Variants in WWC2 observed in about 807,000 individuals in gnomAD.
The protein encoded by WWC2 is protein WWC2.
Under a neutral mutation model 138.5 loss-of-function variants are expected in WWC2, and 101 were observed. The ratio of observed to expected loss-of-function variants is 0.73; its 90% CI spans 0.62 to 0.86. The LOEUF is 0.86. WWC2 is among the 40% of genes least tolerant of loss of function. The pLI, the probability that WWC2 is intolerant of heterozygous loss-of-function variation, is 0.00. For missense variants in WWC2, 1,420 were observed against 1,419.4 expected, an observed-to-expected ratio of 1.00 and a Z score of -0.01; for synonymous variants, 558 against 538.4, an observed-to-expected ratio of 1.04 and a Z score of -0.50.
At chr4:183,313,279 C>A (rs1739325385) in intron 22 of WWC2, among the ~76,000 whole-genome samples, 1 of 152,178 alleles carries the variant, frequency 6.6e-6, no homozygotes, top group Admixed American at 6.5e-5. Flanking sequence ...CACCCGTGGT[C>A]TCTGACGGGC....
intron 21 of WWC2, among the ~76,000 whole-genome samples, chr4:183,300,071 G>C (rs1359109998): frequency 6.6e-6 from 1 of 152,158 alleles, no homozygotes; most frequent in Non-Finnish European, 1.5e-5. Flanking sequence ...AGAAGCTGAG[G>C]ACTGTAAATT....
chr4:183,231,550 G>A lies in WWC2; in HGVS notation c.523-8633G>A, dbSNP rs560989538. On this transcript the variant is annotated intron_variant, in intron 4 of 22. Transcript: ENST00000403733. ...CTCCTAAAGTGCTGGGATTACAGGC[G>A]TGAGTCACCATGCCCGTCCCAGAGA... Among the ~76,000 whole-genome samples the A allele has an allele frequency of 3.9e-5, 6 of 152,174 alleles. No individual in the cohort carries two copies. In the South Asian group the frequency reaches 1.0e-3, roughly 26 times the overall value.
At chr4:183,272,813 A>G (rs114052417) in intron 16 of WWC2, among the ~76,000 whole-genome samples, 1 of 152,216 alleles carries the variant, frequency 6.6e-6, no homozygotes, top group Non-Finnish European at 1.5e-5. Flanking sequence ...CACACATAAT[A>G]TTCTATTGTG....
intron 1 of WWC2, among the ~76,000 whole-genome samples, chr4:183,150,719 C>G (rs1483931283): frequency 1.3e-5 from 2 of 152,080 alleles, no homozygotes; most frequent in Admixed American, 1.3e-4. Context: ...GTGATGTTCC[C>G]TGCCCTGTGT....
At position 183,240,222 on chromosome 4, in the gene WWC2, G is replaced by T. The variant is rs775923896; in HGVS notation, c.562G>T (p.Glu188Ter). 24 of 1,552,774 alleles carry T rather than the reference G, an allele frequency of 1.5e-5. No homozygotes were observed. The highest frequency in any genetic ancestry group is 2.1e-5 in the Non-Finnish European group (24 of 1,147,950). Residue 188 changes from glutamate to a stop codon, truncating the protein, a stop_gained, in exon 5 of 23, where the codon GAA (glutamate) becomes TAA (stop). Transcript: ENST00000403733. LOFTEE classifies it high-confidence loss of function. ...LKRELSQMKQ[E>*]LLYKEQGFET... ...GAGAGAGCTCTCACAGATGAAGCAGGAACTGCTCTATAAAGAACAAGGCTT... is the reference window on the plus strand; with the variant it reads ...GAGAGAGCTCTCACAGATGAAGCAGTAACTGCTCTATAAAGAACAAGGCTT...
At chr4:183,302,519 A>ATC (rs147282861) in intron 21 of WWC2, among the ~76,000 whole-genome samples, 13 of 151,652 alleles carry the variant, frequency 8.6e-5, no homozygotes, top group Non-Finnish European at 1.6e-4. Context: ...GTCGACGTCG[A>ATC]TCTCTCTCTC....
intron 1 of WWC2, among the ~76,000 whole-genome samples, chr4:183,114,415 C>A (rs1030376787): frequency 2.6e-5 from 4 of 152,118 alleles, no homozygotes; most frequent in African/African-American, 9.7e-5. Flanking sequence ...AGGTGTGAGA[C>A]CCCTATGAAG....
At chr4:183,117,272 G>A (rs193183736) in intron 1 of WWC2, among the ~76,000 whole-genome samples, 130 of 142,700 alleles carry the variant, frequency 9.1e-4, no homozygotes, top group African/African-American at 3.1e-3. Flanking sequence ...CCAGGCTGGA[G>A]TGCAATGGCG....
chr4:183,155,816 A>G (rs2111128384), intron 1 of WWC2, among the ~76,000 whole-genome samples: 1 of 152,256 alleles, frequency 6.6e-6, no homozygotes, highest in East Asian at 1.9e-4. Flanking sequence ...TTGAGCCAAG[A>G]CACCCCTTAA....
chr4:183,207,793 T>C (rs1277096818), intron 2 of WWC2, among the ~76,000 whole-genome samples, 160 bp from the exon 3 acceptor site: 1 of 152,154 alleles, frequency 6.6e-6, no homozygotes, highest in Non-Finnish European at 1.5e-5. Flanking sequence ...TTGATGAGAC[T>C]GGGTAAAATA....
intron 8 of WWC2, among the ~76,000 whole-genome samples, chr4:183,252,855 T>C (rs1737020400): frequency 6.6e-6 from 1 of 152,036 alleles, no homozygotes; most frequent in Non-Finnish European, 1.5e-5. Flanking sequence ...TCTTTGGCAA[T>C]GGGGGAGCCT....
chr4:183,277,580 A>G (rs1180497025), intron 16 of WWC2, among the ~76,000 whole-genome samples: 1 of 147,434 alleles, frequency 6.8e-6, no homozygotes, highest in African/African-American at 2.5e-5. Flanking sequence ...TGGTTGAACT[A>G]GTTTACAGTC....
intron 1 of WWC2, among the ~76,000 whole-genome samples, chr4:183,188,959 TC>T (rs377561913): frequency 6.5e-4 from 99 of 152,224 alleles, no homozygotes; most frequent in African/African-American, 2.4e-3. Flanking sequence ...TAATATGACT[TC>T]CTTCCAATCA....
At chr4:183,178,539 A>G (rs1734529751) in intron 1 of WWC2, among the ~76,000 whole-genome samples, 1 of 151,582 alleles carries the variant, frequency 6.6e-6, no homozygotes, top group African/African-American at 2.4e-5. Context: ...CCTGAGCAGT[A>G]GAGCAAGACC....
At chr4:183,177,516 TTTG>T (rs1183287815) in intron 1 of WWC2, among the ~76,000 whole-genome samples, 2 of 152,196 alleles carry the variant, frequency 1.3e-5, no homozygotes, top group Non-Finnish European at 2.9e-5. Context: ...CAGAAGCTCC[TTTG>T]TTGTTTAACA....
At chr4:183,196,873 C>G (rs77825576) in intron 2 of WWC2, among the ~76,000 whole-genome samples, 2 of 152,160 alleles carry the variant, frequency 1.3e-5, no homozygotes, top group Non-Finnish European at 2.9e-5. Flanking sequence ...CCATTCTGGT[C>G]GAGTGCCCCA....
In WWC2 at chr4:183,260,858, T is replaced by G. The variant is rs1164292694; in HGVS notation, c.1287-52T>G. On this transcript the variant is annotated intron_variant, in intron 10 of 22. Coordinates refer to ENST00000403733, the MANE Select transcript of WWC2 (RefSeq NM_024949.6). ...TGAAGGAGCCAGTAGAGATTGTGATTAGGTTTTCCATTTTGTAACAGATTT... is the reference window on the plus strand; with the variant it reads ...TGAAGGAGCCAGTAGAGATTGTGATGAGGTTTTCCATTTTGTAACAGATTT... 4.0e-5 allele frequency: 63 copies of G among 1,590,364 alleles called. No individual in the cohort carries two copies. In the South Asian group the frequency reaches 6.8e-4, roughly 17 times the overall value.
At position 183,313,940 on chromosome 4, in the gene WWC2, A is replaced by ACAAC. The variant is rs537419965; in HGVS notation, c.3512+1472_3512+1473insCAAC. On this transcript the variant is annotated intron_variant, in intron 22 of 22. Transcript: ENST00000403733. ...TTGCGTTTTTATTTGGTTTTGGTTG[A>ACAAC]GGTTTTGTATAGACGAGTCTTTGGA... 8.1e-4 allele frequency among the ~76,000 whole-genome samples: 122 copies of ACAAC among 151,364 alleles called. No individual in the cohort carries two copies. In the East Asian group the frequency reaches 0.016, roughly 20 times the overall value.
intron 1 of WWC2, among the ~76,000 whole-genome samples, chr4:183,174,819 C>T (rs564299123): frequency 6.6e-6 from 1 of 152,056 alleles, no homozygotes; most frequent in Non-Finnish European, 1.5e-5. Context: ...CTGTCTCTCT[C>T]TCTTTTGCGC....
Sources: allele counts gnomAD v4.1 joint callset (sites outside exome capture counted in the v4.1 genomes callset), GRCh38; gene constraint gnomAD v4.1.1; transcripts MANE v1.5; gene names NCBI Gene and HGNC (gene_info 2026-07-23, HGNC 2026-07-21).